Variants in PHACTR1 observed in about 807,000 individuals in gnomAD.
The protein encoded by PHACTR1 is RPEL repeat containing 1.
In PHACTR1, 16 loss-of-function variants were observed where a neutral mutation model predicts 69.2. The ratio of observed to expected loss-of-function variants is 0.23; its 90% CI spans 0.16 to 0.35. PHACTR1 has a LOEUF of 0.35. PHACTR1 is among the 10% of genes least tolerant of loss of function. PHACTR1 has a pLI of 1.00. For missense variants in PHACTR1, 510 were observed against 734.7 expected, an observed-to-expected ratio of 0.69 and a Z score of 3.54; for synonymous variants, 312 against 284.5, an observed-to-expected ratio of 1.10 and a Z score of -0.97.
chr6:13,162,246 C>G (rs563339675), intron 6 of PHACTR1, among the ~76,000 whole-genome samples: 1 of 151,638 alleles, frequency 6.6e-6, no homozygotes, highest in Non-Finnish European at 1.5e-5. Context: ...ACCACAGGTG[C>G]GCACCACCAT....
chr6:13,022,666 T>TAAA (rs201078402), intron 4 of PHACTR1, among the ~76,000 whole-genome samples: 1 of 141,996 alleles, frequency 7.0e-6, no homozygotes, highest in African/African-American at 2.5e-5. Flanking sequence ...TCTCTGGCCT[T>TAAA]AAAAAAAAAA....
chr6:12,980,575 G>A (rs1309126959), intron 4 of PHACTR1, among the ~76,000 whole-genome samples: 1 of 151,950 alleles, frequency 6.6e-6, no homozygotes, highest in African/African-American at 2.4e-5. Flanking sequence ...ATTGTGGTGA[G>A]TTTAGATTCA....
At chr6:13,139,113 C>CTT (rs10656438) in intron 5 of PHACTR1, among the ~76,000 whole-genome samples, 14,678 of 141,920 alleles carry the variant, frequency 0.1, 1,477 homozygotes, top group African/African-American at 0.26. Flanking sequence ...TGCTATTTGC[C>CTT]TTTTTTTTTT....
Position 13,112,601 on chromosome 6 carries a change from G to A in PHACTR1, c.416-47603G>A, listed in dbSNP as rs375830342. Among the ~76,000 whole-genome samples the A allele has an allele frequency of 8.6e-4, 131 of 152,234 alleles. 3 individuals are homozygous for A. In the South Asian group the frequency reaches 0.025, roughly 29 times the overall value. On this transcript the variant is annotated intron_variant, in intron 5 of 14. Coordinates refer to ENST00000332995, the MANE Select transcript of PHACTR1 (RefSeq NM_030948.6). ...TGGTGTCAGATGGTATCTCATTGTG[G>A]TTTTGATTTGCATTTCTCTAATGAT... is the stretch of plus-strand genomic sequence containing the variant.
rs745318854 is a variant in PHACTR1, at chr6:13,184,922, C to T, written c.664+2236C>T. On this transcript the variant is annotated intron_variant, in intron 7 of 14. Coordinates refer to ENST00000332995, the MANE Select transcript of PHACTR1 (RefSeq NM_030948.6). ...GCTTTCCCTGGAGACCATGAAGAGA[C>T]CCCAGTGAAGCAGCTGCCCCTTCTC... The T allele has an allele frequency of 2.2e-6, 3 of 1,366,566 alleles. No homozygotes were observed. In the South Asian group the frequency reaches 3.4e-5, roughly 16 times the overall value. The allele number at this position is 1,366,566 out of a possible 1,614,324, so 84.7% of individuals were successfully genotyped here. A position where few individuals can be genotyped will look rare whatever the true frequency, so the allele number is the denominator to read the frequency against.
chr6:12,935,637 G>GTGTGTA (rs1258254921), intron 4 of PHACTR1, among the ~76,000 whole-genome samples: 1 of 152,022 alleles, frequency 6.6e-6, no homozygotes. Flanking sequence ...ACGTGTGTGT[G>GTGTGTA]TGTGTGTATG....
At chr6:13,154,171 A>G (rs1358810936) in intron 5 of PHACTR1, among the ~76,000 whole-genome samples, 2 of 151,628 alleles carry the variant, frequency 1.3e-5, no homozygotes, top group Admixed American at 6.6e-5. Flanking sequence ...ATTTTATTTT[A>G]TTTTGTTTTT....
chr6:13,086,148 T>G (rs959302961), intron 5 of PHACTR1, among the ~76,000 whole-genome samples: 1 of 146,554 alleles, frequency 6.8e-6, no homozygotes, highest in South Asian at 2.1e-4. Context: ...AACTCAGAGT[T>G]TTTAATCAAA....
intron 4 of PHACTR1, among the ~76,000 whole-genome samples, chr6:12,964,885 T>C (rs1793237405): frequency 6.6e-6 from 1 of 152,196 alleles, no homozygotes; most frequent in South Asian, 2.1e-4. Context: ...TTCCAAGATC[T>C]GTTTAGGTAC....
intron 4 of PHACTR1, among the ~76,000 whole-genome samples, chr6:12,842,651 C>T (rs1537336): frequency 2.6e-5 from 4 of 152,070 alleles, no homozygotes; most frequent in East Asian, 1.9e-4. Flanking sequence ...AGGTGATCCT[C>T]CCACCTCAGC....
chr6:12,940,355 A>C (rs1489321427), intron 4 of PHACTR1, among the ~76,000 whole-genome samples: 1 of 152,174 alleles, frequency 6.6e-6, no homozygotes. Context: ...ACATGGTTGT[A>C]AGGGGTTTGT....
At chr6:12,783,191 A>G (rs983343524) in intron 4 of PHACTR1, among the ~76,000 whole-genome samples, 5 of 152,180 alleles carry the variant, frequency 3.3e-5, no homozygotes, top group Non-Finnish European at 7.3e-5. Context: ...TCATCATGTT[A>G]TATTGTCATC....
chr6:12,797,694 A>G (rs888753555), intron 4 of PHACTR1, among the ~76,000 whole-genome samples: 1 of 151,656 alleles, frequency 6.6e-6, no homozygotes, highest in Non-Finnish European at 1.5e-5. Context: ...ATTCCTGGAC[A>G]CCTCTCTTCC....
At chr6:12,816,725 C>G (rs2127704254) in intron 4 of PHACTR1, among the ~76,000 whole-genome samples, 1 of 152,256 alleles carries the variant, frequency 6.6e-6, no homozygotes, top group South Asian at 2.1e-4. Flanking sequence ...AAAAATCTTC[C>G]CTATCCCAGT....
intron 4 of PHACTR1, among the ~76,000 whole-genome samples, chr6:12,945,225 T>G (rs1790547370): frequency 6.6e-6 from 1 of 152,152 alleles, no homozygotes. Flanking sequence ...ATAAAACCAC[T>G]TCCTCCAGAA....
At chr6:12,947,250 T>C (rs1298984717) in intron 4 of PHACTR1, among the ~76,000 whole-genome samples, 2 of 152,210 alleles carry the variant, frequency 1.3e-5, no homozygotes, top group Admixed American at 6.5e-5. Flanking sequence ...ACTATGCCTC[T>C]TTCTACTGCA....
At chr6:12,945,180 TCTGA>T (rs1248334634) in intron 4 of PHACTR1, among the ~76,000 whole-genome samples, 4 of 152,152 alleles carry the variant, frequency 2.6e-5, no homozygotes, top group African/African-American at 4.8e-5. Flanking sequence ...TTTATTCCCA[TCTGA>T]CTAACTCCTA....
At chr6:12,869,695 C>T (rs1259263171) in intron 4 of PHACTR1, among the ~76,000 whole-genome samples, 1 of 152,198 alleles carries the variant, frequency 6.6e-6, no homozygotes, top group Non-Finnish European at 1.5e-5. Flanking sequence ...AGTCTCTATT[C>T]TTGAAATCTC....
intron 10 of PHACTR1, chr6:13,253,154 T>C: frequency 2.8e-6 from 1 of 363,358 alleles, no homozygotes; most frequent in Admixed American, 3.0e-5. Flanking sequence ...GGAAGTATGA[T>C]CGCCCCAAAA....
Sources: allele counts gnomAD v4.1 joint callset (sites outside exome capture counted in the v4.1 genomes callset), GRCh38; gene constraint gnomAD v4.1.1; transcripts MANE v1.5; gene names NCBI Gene and HGNC (gene_info 2026-07-23, HGNC 2026-07-21).